CDK19: variants seen among roughly 807,000 people sequenced by gnomAD.
CDK19 encodes cyclin dependent kinase 19.
A neutral mutation model predicts 68.3 loss-of-function variants in CDK19; 20 were observed. That is an observed-to-expected ratio of 0.29 (90% confidence interval 0.21 to 0.43). The LOEUF (loss-of-function observed/expected upper bound fraction) is 0.43. Among genes scored for constraint, CDK19 ranks in the 20% least tolerant of loss-of-function variants. The pLI is 1.00. For missense variants in CDK19, 339 were observed against 623.5 expected, an observed-to-expected ratio of 0.54 and a Z score of 4.86; for synonymous variants, 221 against 222.8, an observed-to-expected ratio of 0.99 and a Z score of 0.07.
At chr6:110,716,666 A>C (rs1259660712) in intron 2 of CDK19, among the ~76,000 whole-genome samples, 1 of 152,232 alleles carries the variant, frequency 6.6e-6, no homozygotes, top group Non-Finnish European at 1.5e-5. Context: ...AACATGAAAC[A>C]GTGCTCAGGT....
intron 1 of CDK19, among the ~76,000 whole-genome samples, chr6:110,803,896 G>C (rs1405111354): frequency 2.0e-5 from 3 of 152,186 alleles, no homozygotes; most frequent in Non-Finnish European, 2.9e-5. Context: ...TTGAGCACAG[G>C]AAGTCCAGGC....
chr6:110,794,406 CT>C (rs58569860), intron 1 of CDK19, among the ~76,000 whole-genome samples: 311 of 131,976 alleles, frequency 2.4e-3, no homozygotes, highest in African/African-American at 7.3e-3. Context: ...TAGTTTGAAA[CT>C]TTTTTTTTTT....
Position 110,815,373 on chromosome 6 carries a change from C to G in CDK19, c.-237G>C, listed in dbSNP as rs1228079662. 5.3e-6 allele frequency: 2 copies of G among 379,078 alleles called. No individual in the cohort carries two copies. The highest frequency in any genetic ancestry group is 4.6e-6 in the Non-Finnish European group (1 of 216,024). 23.5% of individuals were successfully genotyped at this position (379,078 alleles called of 1,614,324 possible). A position where few individuals can be genotyped will look rare whatever the true frequency, so the allele number is the denominator to read the frequency against. On this transcript the variant is annotated 5_prime_UTR_variant, in exon 1 of 13. Coordinates refer to ENST00000368911, the MANE Select transcript of CDK19 (RefSeq NM_015076.5). Reference sequence around the variant, plus strand: ...CCTCCGCGACGGCGGCGGCGGCTCCCGCAGGCACCCCCAGTCCCGCCTCCC... The same window carrying G: ...CCTCCGCGACGGCGGCGGCGGCTCCGGCAGGCACCCCCAGTCCCGCCTCCC...
rs368444476 is a variant in CDK19, at chr6:110,616,714, T to C, written c.1378-2048A>G. On this transcript the variant is annotated intron_variant, in intron 12 of 12. Coordinates refer to ENST00000368911, the MANE Select transcript of CDK19 (RefSeq NM_015076.5). Reference sequence around the variant, plus strand: ...AAACTTAGTTTTGCCCCTTCCTAAGTTGCACAACTGAATAGTCACATTGGT... The same window carrying C: ...AAACTTAGTTTTGCCCCTTCCTAAGCTGCACAACTGAATAGTCACATTGGT... Among the ~76,000 whole-genome samples the C allele has an allele frequency of 1.2e-4, 18 of 152,128 alleles. No homozygotes were observed. The South Asian group carries it at 1.9e-3, about 16-fold the overall frequency.
At chr6:110,711,015 G>A (rs529393459) in intron 2 of CDK19, among the ~76,000 whole-genome samples, 24 of 152,172 alleles carry the variant, frequency 1.6e-4, no homozygotes, top group African/African-American at 4.8e-4. Context: ...ATGAATATTA[G>A]AGACATCCAT....
chr6:110,622,259 C>T, intron 10 of CDK19, 93 bp from the exon 11 acceptor site: 1 of 885,260 alleles, frequency 1.1e-6, no homozygotes. Flanking sequence ...TTTTTCTTCA[C>T]TTATTTCCTA....
chr6:110,647,062 T>G (rs1780644425), intron 4 of CDK19, among the ~76,000 whole-genome samples: 1 of 151,654 alleles, frequency 6.6e-6, no homozygotes, highest in Non-Finnish European at 1.5e-5. Context: ...CGACACTATT[T>G]CTGCGCTGTC....
At chr6:110,815,656 C>CGGTTCCTGTGAA, upstream of CDK19, 1 of 153,072 alleles carries the variant, frequency 6.5e-6, no homozygotes, top group South Asian at 2.0e-4. Flanking sequence ...GCACGGCTCC[C>CGGTTCCTGTGAA]GGTTCCTGTG....
In CDK19 at chr6:110,670,500, C is replaced by T. The variant is rs368851418; in HGVS notation, c.246G>A (p.Gln82=). 3 of 1,613,278 alleles carry T rather than the reference C, an allele frequency of 1.9e-6. No homozygotes were observed. The African/African-American group carries it at 4.0e-5, about 22-fold the overall frequency. Reference sequence around the variant, plus strand: ...TGTCACTGTGAGAAAGGAACACCTTCTGCAATGCAATCACATTAGGGTGCT... The same window carrying T: ...TGTCACTGTGAGAAAGGAACACCTTTTGCAATGCAATCACATTAGGGTGCT... The part of the protein sequence containing the change: ...ELKHPNVIAL[Q]KVFLSHSDRK... The change falls in exon 3 of 13, where the codon CAG becomes CAA. Residue 82 remains glutamine (Q), a synonymous_variant. Coordinates refer to ENST00000368911, the MANE Select transcript of CDK19 (RefSeq NM_015076.5).
intron 2 of CDK19, among the ~76,000 whole-genome samples, chr6:110,686,110 A>C (rs976376538): frequency 2.0e-5 from 3 of 152,226 alleles, no homozygotes; most frequent in Non-Finnish European, 4.4e-5. Context: ...ACCATTAGAA[A>C]ACATTTGAGT....
intron 10 of CDK19, 58 bp from the exon 11 acceptor site, chr6:110,622,224 CTTG>C: frequency 8.9e-7 from 1 of 1,129,260 alleles, no homozygotes; most frequent in Non-Finnish European, 1.3e-6. Context: ...ATATCATTAC[CTTG>C]TTAATTTAAA....
chr6:110,773,027 G>A (rs1453362864), intron 1 of CDK19, among the ~76,000 whole-genome samples: 1 of 150,790 alleles, frequency 6.6e-6, no homozygotes, highest in Non-Finnish European at 1.5e-5. Context: ...GCCAGCCTGG[G>A]CAACATGGGG....
chr6:110,692,223 G>A (rs1160903634), intron 2 of CDK19, among the ~76,000 whole-genome samples: 1 of 151,644 alleles, frequency 6.6e-6, no homozygotes, highest in Non-Finnish European at 1.5e-5. Context: ...GAACCCAGGA[G>A]GTGGAGGTTG....
intron 2 of CDK19, among the ~76,000 whole-genome samples, chr6:110,690,234 A>G (rs1023881267): frequency 6.6e-6 from 1 of 152,194 alleles, no homozygotes; most frequent in Non-Finnish European, 1.5e-5. Flanking sequence ...AGTATCTGCC[A>G]GGTTCAGGCT....
At chr6:110,805,613 C>T (rs946214398) in intron 1 of CDK19, among the ~76,000 whole-genome samples, 1 of 152,078 alleles carries the variant, frequency 6.6e-6, no homozygotes, top group Non-Finnish European at 1.5e-5. Flanking sequence ...CCCTCATATA[C>T]GCAGGTTTCA....
At chr6:110,707,951 G>T (rs1275283878) in intron 2 of CDK19, among the ~76,000 whole-genome samples, 1 of 152,112 alleles carries the variant, frequency 6.6e-6, no homozygotes, top group African/African-American at 2.4e-5. Flanking sequence ...CAGCCTGGGC[G>T]ACACGGTGAG....
intron 1 of CDK19, among the ~76,000 whole-genome samples, chr6:110,771,200 G>A (rs1281566106): frequency 1.3e-5 from 2 of 152,202 alleles, no homozygotes; most frequent in African/African-American, 4.8e-5. Context: ...CTTCTGCACT[G>A]CCCTAACAGA....
At chr6:110,717,292 T>C (rs1407714640) in intron 2 of CDK19, among the ~76,000 whole-genome samples, 4 of 152,126 alleles carry the variant, frequency 2.6e-5, no homozygotes, top group Admixed American at 2.0e-4. Context: ...TGTATATACA[T>C]TGATATATTT....
chr6:110,695,126 T>G (rs551206207), intron 2 of CDK19, among the ~76,000 whole-genome samples: 82 of 143,610 alleles, frequency 5.7e-4, no homozygotes, highest in South Asian at 2.0e-3. Flanking sequence ...GGAGAAAGGG[T>G]AAAGGGGAAA....
Sources: gnomAD v4.1 joint callset for allele counts (sites outside exome capture counted in the v4.1 genomes callset) on GRCh38, gnomAD v4.1.1 for gene constraint, MANE v1.5 for transcripts, NCBI Gene and HGNC (gene_info 2026-07-23, HGNC 2026-07-21) for gene names.